Variants in ARNT2 observed in about 807,000 individuals in gnomAD.
The protein encoded by ARNT2 is ARNT protein 2.
In ARNT2, 36 loss-of-function variants were observed where a neutral mutation model predicts 91.7. The observed-to-expected ratio is 0.39, with a 90% CI of 0.30 to 0.52. The LOEUF (loss-of-function observed/expected upper bound fraction) is 0.52, where lower values mean the gene tolerates loss of function less well. Among genes scored for constraint, ARNT2 ranks in the 20% least tolerant of loss-of-function variants. The pLI, the probability that ARNT2 is intolerant of heterozygous loss-of-function variation, is 0.72. For missense variants in ARNT2, 775 were observed against 939.3 expected (o/e 0.83, Z 2.29); for synonymous variants, 365 against 347.1 (o/e 1.05, Z -0.57).
chr15:80,500,876 G>A (rs1897183351), intron 5 of ARNT2, among the ~76,000 whole-genome samples: 1 of 152,220 alleles, frequency 6.6e-6, no homozygotes, highest in East Asian at 1.9e-4. Context: ...AAAACAAGTG[G>A]TGGACTAGAT....
At chr15:80,554,168 G>C (rs191930946) in intron 10 of ARNT2, among the ~76,000 whole-genome samples, 8 of 152,196 alleles carry the variant, frequency 5.3e-5, no homozygotes, top group South Asian at 2.1e-4. Context: ...TAGCACTTTG[G>C]GGGGCCAAGG....
chr15:80,532,962 T>C (rs1198528308), intron 8 of ARNT2, among the ~76,000 whole-genome samples: 1 of 150,654 alleles, frequency 6.6e-6, no homozygotes, highest in East Asian at 2.0e-4. Flanking sequence ...GAGGAGAGAG[T>C]GGTGGGAGTG....
chr15:80,597,437 C>T lies in ARNT2; in HGVS notation c.*3739C>T. 1 of 360,732 alleles carries T rather than the reference C, an allele frequency of 2.8e-6. No individual in the cohort carries two copies. Among genetic ancestry groups the T allele is most frequent in the South Asian group, 2.1e-5 (1 of 48,266 alleles). The allele number at this position is 360,732 out of a possible 1,614,324, so 22.3% of individuals were successfully genotyped here. A position where few individuals can be genotyped will look rare whatever the true frequency, so the allele number is the denominator to read the frequency against. On this transcript the variant is annotated 3_prime_UTR_variant, in exon 19 of 19. Coordinates refer to ENST00000303329, the MANE Select transcript of ARNT2 (RefSeq NM_014862.4). ...CCTGCCGGGGTCATTCCCCACCAAA[C>T]ACCCCATACTAAGGAGCCATGAGCC...
intron 1 of ARNT2, among the ~76,000 whole-genome samples, chr15:80,432,710 A>G (rs916444199): frequency 4.6e-5 from 7 of 152,038 alleles, no homozygotes; most frequent in Non-Finnish European, 8.8e-5. Context: ...AGACACAACA[A>G]TGTTCCCATG....
intron 8 of ARNT2, among the ~76,000 whole-genome samples, chr15:80,516,828 A>ATATATATATATATAT (rs1897440952): frequency 1.3e-5 from 1 of 74,800 alleles, no homozygotes; most frequent in Non-Finnish European, 2.7e-5. Flanking sequence ...TACAATTACA[A>ATATATATATATATAT]ATATATATAT....
chr15:80,584,550 C>T (rs4778830), intron 17 of ARNT2, among the ~76,000 whole-genome samples: 6,717 of 151,950 alleles, frequency 0.044, 488 homozygotes, highest in African/African-American at 0.15. Context: ...AGGTAAGAAT[C>T]GGTGAGTGGA....
intron 8 of ARNT2, among the ~76,000 whole-genome samples, chr15:80,537,414 T>A (rs1284304971): frequency 6.6e-6 from 1 of 152,200 alleles, no homozygotes; most frequent in Non-Finnish European, 1.5e-5. Flanking sequence ...GGTTTACCAA[T>A]ATCACTACTT....
At chr15:80,582,407 G>A (rs958181846) in intron 17 of ARNT2, among the ~76,000 whole-genome samples, 1 of 151,914 alleles carries the variant, frequency 6.6e-6, no homozygotes, top group Non-Finnish European at 1.5e-5. Context: ...AAGGTGGGAG[G>A]ATCATTTGAT....
intron 5 of ARNT2, among the ~76,000 whole-genome samples, chr15:80,492,993 T>A (rs1485299187): frequency 6.6e-6 from 1 of 152,244 alleles, no homozygotes; most frequent in Non-Finnish European, 1.5e-5. Context: ...CTGATTAATT[T>A]ATAATGAACA....
In ARNT2 at chr15:80,514,224, AC is replaced by A. The variant is rs1313221162; in HGVS notation, c.792-95del. On this transcript the variant is annotated intron_variant, in intron 7 of 18. Transcript: ENST00000303329. ...TCAAGATTCAAAACCACAAAGGCAG[AC>A]AAGGGAACCCAGTAGCTTAGATGCC... The A allele has an allele frequency of 3.8e-6, 5 of 1,309,010 alleles. No individual in the cohort carries two copies. In the African/African-American group the frequency reaches 7.3e-5, roughly 19 times the overall value. The allele number at this position is 1,309,010 out of a possible 1,614,324, so 81.1% of individuals were successfully genotyped here.
intron 17 of ARNT2, 59 bp downstream of exon 17, chr15:80,581,463 A>T (rs1832418808): frequency 3.1e-6 from 5 of 1,602,754 alleles, no homozygotes; most frequent in Non-Finnish European, 4.3e-6. Context: ...CTTTCTGAAC[A>T]GCCTGAATTC....
intron 8 of ARNT2, among the ~76,000 whole-genome samples, chr15:80,524,272 A>G (rs976178435): frequency 6.6e-6 from 1 of 152,220 alleles, no homozygotes; most frequent in Non-Finnish European, 1.5e-5. Flanking sequence ...AAAGTTAAAA[A>G]AAATGGACAC....
intron 8 of ARNT2, among the ~76,000 whole-genome samples, chr15:80,515,258 C>A (rs976589952): frequency 7.9e-5 from 12 of 152,098 alleles, no homozygotes; most frequent in Admixed American, 6.5e-4. Flanking sequence ...ATTTTCACTC[C>A]TAAATATACA....
intron 8 of ARNT2, among the ~76,000 whole-genome samples, chr15:80,533,615 G>C (rs1248488435): frequency 4.6e-5 from 7 of 152,228 alleles, no homozygotes; most frequent in African/African-American, 1.7e-4. Flanking sequence ...AGCCAATGAA[G>C]CATGTCATGG....
Position 80,563,094 on chromosome 15 carries a change from AAG to A in ARNT2, c.1172_1173del (p.Lys391ThrfsTer35). 1 of 1,614,120 alleles carries A rather than the reference AAG, an allele frequency of 6.2e-7. No individual in the cohort carries two copies. The highest frequency in any genetic ancestry group is 8.5e-7 in the Non-Finnish European group (1 of 1,180,026). ...HLRESFQQVVKLKGQVLSVMY... is the reference protein window; with the variant it reads ...HLRESFQQVVXLKGQVLSVMY... Reference sequence around the variant, plus strand: ...TCTCCAAATGTTTTCTCAGGTGGTTAAGCTGAAAGGCCAAGTCCTGTCGGTCA... The same window carrying A: ...TCTCCAAATGTTTTCTCAGGTGGTTACTGAAAGGCCAAGTCCTGTCGGTCA... On this transcript the variant is annotated frameshift_variant, in exon 12 of 19. Transcript: ENST00000303329. LOFTEE classifies it high-confidence loss of function.
rs568991450 is a variant in ARNT2, at chr15:80,580,554, G to C, written c.1752+5G>C. On this transcript the variant is annotated splice_donor_5th_base_variant and intron_variant, in intron 16 of 18. Transcript: ENST00000303329. ...CGTCCGCCCTTTCCGGGACAGGTATGGGCATCTGTGAGGGCATCTCCCCTG... is the reference window on the plus strand; with the variant it reads ...CGTCCGCCCTTTCCGGGACAGGTATCGGCATCTGTGAGGGCATCTCCCCTG... The C allele has an allele frequency of 6.2e-7, 1 of 1,613,786 alleles. No homozygotes were observed. Among genetic ancestry groups the C allele is most frequent in the African/African-American group, 1.3e-5 (1 of 75,032 alleles).
rs1307712690 is a variant in ARNT2 at position 80,596,106 on chromosome 15, G to A, written c.*2408G>A. On this transcript the variant is annotated 3_prime_UTR_variant, in exon 19 of 19. Coordinates refer to ENST00000303329, the MANE Select transcript of ARNT2 (RefSeq NM_014862.4). The stretch of plus-strand genomic sequence containing the variant: ...GTGAACCTGCCCTGTATCCGGAGCT[G>A]TGCTGGGCACTGAGGGGATGCAACA... 1 of 152,216 alleles carries A rather than the reference G, an allele frequency of 6.6e-6. No homozygotes were observed. The highest frequency in any genetic ancestry group is 1.5e-5 in the Non-Finnish European group (1 of 68,062). The allele number at this position is 152,216 out of a possible 1,614,324, so 9.4% of individuals were successfully genotyped here.
chr15:80,460,866 C>T (rs186818834), intron 3 of ARNT2, among the ~76,000 whole-genome samples: 13 of 152,236 alleles, frequency 8.5e-5, no homozygotes, highest in Admixed American at 3.9e-4. Flanking sequence ...TCAGGAGTGA[C>T]GCTGGGGAGA....
In ARNT2 at chr15:80,450,786, G is replaced by A. The variant is rs572817612; in HGVS notation, c.32-94G>A. On this transcript the variant is annotated intron_variant, in intron 1 of 18. Coordinates refer to ENST00000303329, the MANE Select transcript of ARNT2 (RefSeq NM_014862.4). ...GGATGCAGGTCCCTGGGCTCTCTGCGCAGGTGGTGCTTCTGGTACCGTATC... is the reference window on the plus strand; with the variant it reads ...GGATGCAGGTCCCTGGGCTCTCTGCACAGGTGGTGCTTCTGGTACCGTATC... The A allele has an allele frequency of 4.5e-5, 55 of 1,234,036 alleles. No individual in the cohort carries two copies. The East Asian group carries it at 5.3e-4, about 12-fold the overall frequency. The allele number at this position is 1,234,036 out of a possible 1,614,324, so 76.4% of individuals were successfully genotyped here.
Sources: allele counts gnomAD v4.1 joint callset (sites outside exome capture counted in the v4.1 genomes callset), GRCh38; gene constraint gnomAD v4.1.1; transcripts MANE v1.5; gene names NCBI Gene and HGNC (gene_info 2026-07-23, HGNC 2026-07-21).